The following SHISA9 variants were observed in gnomAD, a reference collection of about 807,000 sequenced individuals.
The protein encoded by SHISA9 is protein shisa-9.
SHISA9 carries 13 observed loss-of-function variants against 38.0 expected under a neutral mutation model. The observed-to-expected ratio is 0.34, with a 90% confidence interval of 0.22 to 0.54. SHISA9 has a LOEUF of 0.54. SHISA9 is among the 20% of genes least tolerant of loss of function. The pLI, the probability that SHISA9 is intolerant of heterozygous loss-of-function variation, is 0.91. For missense variants in SHISA9, 538 were observed against 575.8 expected, an observed-to-expected ratio of 0.93 and a Z score of 0.67; for synonymous variants, 275 against 242.0, an observed-to-expected ratio of 1.14 and a Z score of -1.27.
the SHISA9 span, among the ~76,000 whole-genome samples, chr16:13,352,103 C>T: frequency 1.3e-5 from 2 of 152,050 alleles, no homozygotes; most frequent in Non-Finnish European, 2.9e-5. Flanking sequence ...GCTTCTAACA[C>T]CAAAACATTC....
intron 2 of SHISA9, among the ~76,000 whole-genome samples, chr16:13,162,668 G>A (rs183601196): frequency 1.0e-3 from 153 of 152,224 alleles, no homozygotes; most frequent in African/African-American, 3.5e-3. Flanking sequence ...TTTATTATAA[G>A]GCCATTTTAC....
At chr16:13,381,667 G>T in the SHISA9 span, among the ~76,000 whole-genome samples, 3 of 152,058 alleles carry the variant, frequency 2.0e-5, no homozygotes, top group East Asian at 3.9e-4. Flanking sequence ...CTCATTTACT[G>T]TAAAAAAACC....
rs968488912 is a variant in SHISA9 at position 13,235,623 on chromosome 16, G to A, written c.*214G>A. The A allele has an allele frequency of 6.7e-6, 4 of 598,338 alleles. No homozygotes were observed. The highest frequency in any genetic ancestry group is 5.6e-5 in the African/African-American group (3 of 53,598). The allele number at this position is 598,338 out of a possible 1,614,324, so 37.1% of individuals were successfully genotyped here. On this transcript the variant is annotated 3_prime_UTR_variant, in exon 5 of 5. Transcript: ENST00000558583. ...GGGCAGCTGAGAAAGACCGAAGCGT[G>A]GACATTCAGCAATACAGCAAAGGGG...
the SHISA9 span, among the ~76,000 whole-genome samples, chr16:13,532,755 A>G: frequency 6.6e-6 from 1 of 152,064 alleles, no homozygotes; most frequent in African/African-American, 2.4e-5. Flanking sequence ...AACCTTCACC[A>G]TCCACAGATC....
chr16:13,378,775 A>G, the SHISA9 span, among the ~76,000 whole-genome samples: 3 of 152,230 alleles, frequency 2.0e-5, no homozygotes, highest in African/African-American at 7.2e-5. Flanking sequence ...AATATTGTAC[A>G]TGAATGAGTG....
the SHISA9 span, among the ~76,000 whole-genome samples, chr16:13,491,818 CTTTTTTTTTTTTTTTTTTTTTTTTT>C: frequency 1.3e-3 from 56 of 44,560 alleles, no homozygotes; most frequent in African/African-American, 4.3e-3. Flanking sequence ...ATTTATTGAC[CTTTTTTTTTTTTTTTTTTTTTTTTT>C]TTTTTTTTTT....
At chr16:13,198,603 A>G (rs904233998) in intron 2 of SHISA9, among the ~76,000 whole-genome samples, 2 of 151,974 alleles carry the variant, frequency 1.3e-5, no homozygotes, top group African/African-American at 4.8e-5. Flanking sequence ...TCTCCTCCCT[A>G]GCTGAATATA....
chr16:13,532,902 T>G, the SHISA9 span, among the ~76,000 whole-genome samples: 186 of 152,190 alleles, frequency 1.2e-3, no homozygotes, highest in Non-Finnish European at 1.2e-3. Context: ...CCACATAAAT[T>G]ATCCATCCAA....
In SHISA9 at chr16:13,239,348, A is replaced by G. The variant is rs879800518; in HGVS notation, c.*3939A>G. The G allele has an allele frequency of 9.7e-4, 147 of 151,250 alleles. 2 individuals carry two copies. The highest frequency in any genetic ancestry group is 3.4e-3 in the Middle Eastern group (1 of 294). 9.4% of individuals were successfully genotyped at this position (151,250 alleles called of 1,614,324 possible). On this transcript the variant is annotated 3_prime_UTR_variant, in exon 5 of 5. Coordinates refer to ENST00000558583, the MANE Select transcript of SHISA9 (RefSeq NM_001145204.3). The stretch of plus-strand genomic sequence containing the variant: ...ATGATTTATAGTCCTTTGGGTATAT[A>G]CCCAGTAATGGGATGGCTGGGTCAA...
intron 2 of SHISA9, among the ~76,000 whole-genome samples, chr16:12,991,793 C>G (rs2072389741): frequency 6.6e-6 from 1 of 152,024 alleles, no homozygotes; most frequent in Non-Finnish European, 1.5e-5. Flanking sequence ...CCTTGTAGCA[C>G]TCAGGTACCA....
At chr16:13,092,682 A>G (rs145550838) in intron 2 of SHISA9, among the ~76,000 whole-genome samples, 3,163 of 152,334 alleles carry the variant, frequency 0.021, 49 homozygotes, top group Admixed American at 0.047. Context: ...TGGGAAAAGC[A>G]CAGTATTTGG....
chr16:13,240,143 C>T lies in SHISA9; in HGVS notation c.*4734C>T. On this transcript the variant is annotated 3_prime_UTR_variant, in exon 5 of 5. Coordinates refer to ENST00000558583, the MANE Select transcript of SHISA9 (RefSeq NM_001145204.3). ...TCACAGTGTCTCAGCCTCCATCTGC[C>T]TTGGGCTCCGCCTGGCCTCCCCATC... The T allele has an allele frequency of 6.6e-6, 1 of 152,322 alleles. No individual in the cohort carries two copies. The highest frequency in any genetic ancestry group is 1.9e-4 in the East Asian group (1 of 5,182). The allele number at this position is 152,322 out of a possible 1,614,324, so 9.4% of individuals were successfully genotyped here.
intron 2 of SHISA9, among the ~76,000 whole-genome samples, chr16:12,956,184 C>T (rs117011719): frequency 0.011 from 1,555 of 147,918 alleles, 6 homozygotes; most frequent in East Asian, 0.03. Flanking sequence ...CACTGAGCTA[C>T]GCCTTACACC....
chr16:13,158,810 A>C (rs1354710052), intron 2 of SHISA9, among the ~76,000 whole-genome samples: 1 of 151,212 alleles, frequency 6.6e-6, no homozygotes, highest in Non-Finnish European at 1.5e-5. Flanking sequence ...TAATCCCAGC[A>C]CTTTGGGAGG....
chr16:12,937,367 A>G (rs779032489), intron 2 of SHISA9, among the ~76,000 whole-genome samples: 9 of 152,244 alleles, frequency 5.9e-5, no homozygotes, highest in East Asian at 1.9e-4. Context: ...TCCAGAGTCA[A>G]CCACTGTAAT....
intron 2 of SHISA9, among the ~76,000 whole-genome samples, chr16:13,144,599 TA>T (rs980237439): frequency 6.6e-6 from 1 of 152,070 alleles, no homozygotes; most frequent in Non-Finnish European, 1.5e-5. Flanking sequence ...GAGATGGAAC[TA>T]AAAAAATAGA....
intron 2 of SHISA9, among the ~76,000 whole-genome samples, chr16:13,057,396 T>G (rs992155218): frequency 1.3e-5 from 2 of 151,660 alleles, no homozygotes; most frequent in African/African-American, 2.4e-5. Flanking sequence ...GCCTGGGGGG[T>G]TTATTTATTT....
chr16:13,129,628 A>G (rs1372906105), intron 2 of SHISA9, among the ~76,000 whole-genome samples: 3 of 152,190 alleles, frequency 2.0e-5, no homozygotes, highest in Admixed American at 6.5e-5. Flanking sequence ...CTGCTACAGT[A>G]CACAGGTAGG....
At chr16:12,908,722 T>G in intron 1 of SHISA9, 2 of 1,460,174 alleles carry the variant, frequency 1.4e-6, no homozygotes. Context: ...GAAGCTACCG[T>G]AAGATGAAGT....
Sources: gnomAD v4.1 joint callset for allele counts (sites outside exome capture counted in the v4.1 genomes callset) on GRCh38, gnomAD v4.1.1 for gene constraint, MANE v1.5 for transcripts, NCBI Gene and HGNC (gene_info 2026-07-23, HGNC 2026-07-21) for gene names.